AHI1: variants seen among roughly 807,000 people sequenced by gnomAD.
The protein encoded by AHI1 is jouberin.
A neutral mutation model predicts 149.3 loss-of-function variants in AHI1; 123 were observed. The ratio of observed to expected loss-of-function variants is 0.82; its 90% CI spans 0.71 to 0.96. AHI1 has a LOEUF of 0.96. AHI1 is among the 40% of genes least tolerant of loss of function. The pLI, the probability that AHI1 is intolerant of heterozygous loss-of-function variation, is 0.00. For synonymous variants in AHI1, 475 were observed against 459.8 expected (o/e 1.03, Z -0.42); for missense variants, 1,439 against 1,422.7 (o/e 1.01, Z -0.18).
In AHI1 at chr6:135,453,354, C is replaced by A. The variant is rs1453507631; in HGVS notation, c.1427G>T (p.Trp476Leu). 6.4e-7 allele frequency: 1 copy of A among 1,560,056 alleles called. No homozygotes were observed. The highest frequency in any genetic ancestry group is 1.2e-5 in the South Asian group (1 of 84,568). The change falls in exon 11 of 29, where the codon TGG becomes TTG. Residue 476 changes from tryptophan to leucine, a missense_variant. Trp to Leu is a moderately conservative substitution (Grantham distance 61). Coordinates refer to ENST00000265602, the MANE Select transcript of AHI1 (RefSeq NM_001134831.2). ...NQECGFRKIA[W>L]AFLKLLGANG... Reference sequence around the variant, plus strand: ...TGAAAAACATACCTTAAGAAATGCCCAGGCAATTTTCCGAAAGCCACATTC... The same window carrying A: ...TGAAAAACATACCTTAAGAAATGCCAAGGCAATTTTCCGAAAGCCACATTC...
intron 13 of AHI1, among the ~76,000 whole-genome samples, chr6:135,445,105 T>C (rs1786960615): frequency 6.6e-6 from 1 of 152,230 alleles, no homozygotes; most frequent in Non-Finnish European, 1.5e-5. Flanking sequence ...CTCCATATCA[T>C]GCTTAAAGTA....
chr6:135,454,435 C>G (rs1379223849), intron 10 of AHI1, among the ~76,000 whole-genome samples: 3 of 152,124 alleles, frequency 2.0e-5, no homozygotes, highest in Non-Finnish European at 4.4e-5. Context: ...AACCAAATCT[C>G]TTACTGATCT....
intron 11 of AHI1, among the ~76,000 whole-genome samples, chr6:135,452,567 T>A (rs1023498283): frequency 6.6e-6 from 1 of 152,182 alleles, no homozygotes; most frequent in African/African-American, 2.4e-5. Flanking sequence ...AAAACACAAA[T>A]CAGATTATTT....
At chr6:135,478,960 A>G (rs1165724931) in intron 5 of AHI1, among the ~76,000 whole-genome samples, 1 of 152,244 alleles carries the variant, frequency 6.6e-6, no homozygotes, top group African/African-American at 2.4e-5. Flanking sequence ...TCAGAGGGTG[A>G]AAGCCTCAAG....
At chr6:135,439,802 TA>T (rs1313289209) in intron 14 of AHI1, among the ~76,000 whole-genome samples, 2 of 152,144 alleles carry the variant, frequency 1.3e-5, no homozygotes, top group African/African-American at 4.8e-5. Flanking sequence ...GGTTCAGTAC[TA>T]CTTGAGGTTT....
At chr6:135,445,767 G>T (rs2128053239) in intron 13 of AHI1, among the ~76,000 whole-genome samples, 1 of 152,092 alleles carries the variant, frequency 6.6e-6, no homozygotes, top group South Asian at 2.1e-4. Flanking sequence ...AAAAGAATGG[G>T]TCTTGCTGGC....
intron 20 of AHI1, among the ~76,000 whole-genome samples, chr6:135,419,485 T>C (rs1184465253): frequency 6.6e-6 from 1 of 151,896 alleles, no homozygotes; most frequent in African/African-American, 2.4e-5. Context: ...CAATAAAGCA[T>C]ATATCTCAAT....
At position 135,340,535 on chromosome 6, in the gene AHI1, G is replaced by A. The variant is rs1790135685; in HGVS notation, c.3166-17211C>T. Among the ~76,000 whole-genome samples the A allele has an allele frequency of 2.0e-5, 3 of 151,082 alleles. No homozygotes were observed. The South Asian group carries it at 6.3e-4, about 32-fold the overall frequency. On this transcript the variant is annotated intron_variant, in intron 24 of 28. Transcript: ENST00000265602. The stretch of plus-strand genomic sequence containing the variant: ...GTGGACCTGCCCTTCAAGAAAAACA[G>A]AAGTCCTTCGGACTGAAATGAAAGA...
rs531570126 is a variant in AHI1, at chr6:135,360,486, C to A, written c.3110-2299G>T. Among the ~76,000 whole-genome samples, 22 of 152,302 alleles carry A rather than the reference C, an allele frequency of 1.4e-4. No individual in the cohort carries two copies. In the South Asian group the frequency reaches 4.1e-3, roughly 29 times the overall value. ...AGACTGGAACTGCAACTCTTTCCTA[C>A]GTCTCCCTCCTGTTGGCCTAGCCTG... is the stretch of plus-strand genomic sequence containing the variant. On this transcript the variant is annotated intron_variant, in intron 23 of 28. Transcript: ENST00000265602.
At chr6:135,401,505 G>C (rs1780019679) in intron 22 of AHI1, among the ~76,000 whole-genome samples, 1 of 152,118 alleles carries the variant, frequency 6.6e-6, no homozygotes, top group African/African-American at 2.4e-5. Flanking sequence ...TATTATCCTA[G>C]ATCTAATAGA....
intron 23 of AHI1, among the ~76,000 whole-genome samples, chr6:135,364,676 G>A (rs1313978887): frequency 2.6e-5 from 4 of 151,934 alleles, no homozygotes; most frequent in Non-Finnish European, 4.4e-5. Flanking sequence ...GATCACTCGC[G>A]GTTAGGAGCT....
At chr6:135,421,638 T>C (rs1421091879) in intron 20 of AHI1, among the ~76,000 whole-genome samples, 1 of 152,074 alleles carries the variant, frequency 6.6e-6, no homozygotes, top group Non-Finnish European at 1.5e-5. Context: ...CATGCATTAG[T>C]GCAATTAAAA....
rs146769183 is a variant in AHI1 at position 135,416,711 on chromosome 6, C to T, written c.2765-5167G>A. 5.5e-4 allele frequency among the ~76,000 whole-genome samples: 83 copies of T among 152,072 alleles called. 2 individuals carry two copies. The East Asian group carries it at 0.015, about 27-fold the overall frequency. ...CATGAACTATGAGTCTGAGATGATG[C>T]ATATAAACAATATTAGGTATTTGAT... On this transcript the variant is annotated intron_variant, in intron 20 of 28. Transcript: ENST00000265602.
intron 21 of AHI1, among the ~76,000 whole-genome samples, chr6:135,407,065 TTAAG>T (rs2128502663): frequency 6.6e-6 from 1 of 152,268 alleles, no homozygotes; most frequent in Admixed American, 6.5e-5. Context: ...TATGAAATAA[TTAAG>T]TGATTTATAT....
At chr6:135,308,973 G>C (rs950699929) in intron 26 of AHI1, among the ~76,000 whole-genome samples, 6 of 152,216 alleles carry the variant, frequency 3.9e-5, no homozygotes, top group Non-Finnish European at 7.3e-5. Context: ...AATATGGAGA[G>C]CACTTGCCCA....
intron 23 of AHI1, among the ~76,000 whole-genome samples, chr6:135,373,940 G>C (rs865899679): frequency 6.6e-6 from 1 of 151,634 alleles, no homozygotes; most frequent in South Asian, 2.1e-4. Context: ...GTCAGTTTTG[G>C]CAATCCCCGG....
At chr6:135,442,493 C>T (rs1786462275) in intron 14 of AHI1, 89 bp downstream of exon 14, 1 of 1,378,098 alleles carries the variant, frequency 7.3e-7, no homozygotes, top group Non-Finnish European at 9.7e-7. Flanking sequence ...GGGGATTACT[C>T]AAGTTAAGAT....
chr6:135,344,429 A>T (rs1790854934), intron 24 of AHI1, among the ~76,000 whole-genome samples: 1 of 151,166 alleles, frequency 6.6e-6, no homozygotes, highest in Non-Finnish European at 1.5e-5. Flanking sequence ...ATTTTTATAT[A>T]CTATATAGGT....
chr6:135,436,702 A>T (rs534282403), intron 15 of AHI1, among the ~76,000 whole-genome samples: 1 of 152,154 alleles, frequency 6.6e-6, no homozygotes, highest in Non-Finnish European at 1.5e-5. Flanking sequence ...TCCCAGTTCA[A>T]GTGATTCTCT....
Sources: allele counts gnomAD v4.1 joint callset (sites outside exome capture counted in the v4.1 genomes callset), GRCh38; gene constraint gnomAD v4.1.1; transcripts MANE v1.5; gene names NCBI Gene and HGNC (gene_info 2026-07-23, HGNC 2026-07-21).